ECM2: variants seen among roughly 807,000 people sequenced by gnomAD.
ECM2 encodes extracellular matrix protein 2.
A neutral mutation model predicts 67.5 loss-of-function variants in ECM2; 57 were observed. The ratio of observed to expected loss-of-function variants is 0.84; its 90% CI spans 0.68 to 1.05. The LOEUF (loss-of-function observed/expected upper bound fraction) is 1.05. ECM2 is among the 50% of genes least tolerant of loss of function. ECM2 has a pLI of 0.00. For synonymous variants in ECM2, 258 were observed against 294.5 expected (o/e 0.88, Z 1.27); for missense variants, 741 against 822.8 (o/e 0.90, Z 1.22).
the ECM2 span, among the ~76,000 whole-genome samples, chr9:92,550,529 C>T: frequency 6.6e-6 from 1 of 151,738 alleles, no homozygotes; most frequent in Admixed American, 6.6e-5. Context: ...ATTGATATAA[C>T]AAGTTTTCTT....
intron 5 of ECM2, 101 bp downstream of exon 5, chr9:92,511,910 C>T (rs1214626616): frequency 1.3e-6 from 1 of 794,168 alleles, no homozygotes; most frequent in Non-Finnish European, 2.0e-6. Flanking sequence ...AGAAGACTAC[C>T]AATTAGAAGC....
At chr9:92,508,028 T>C (rs1588199350) in intron 6 of ECM2, among the ~76,000 whole-genome samples, 1 of 152,144 alleles carries the variant, frequency 6.6e-6, no homozygotes, top group Non-Finnish European at 1.5e-5. Flanking sequence ...TCCCCCTCTC[T>C]GGAGCTATAA....
chr9:92,499,422 T>C lies in ECM2; in HGVS notation c.1931+1305A>G, dbSNP rs185247935. The stretch of plus-strand genomic sequence containing the variant: ...ATGAGAAGCATGGCAAAAATAGAAA[T>C]TCATCATTTTGTTACCTCTAATGAA... On this transcript the variant is annotated intron_variant, in intron 9 of 9. Coordinates refer to ENST00000344604, the MANE Select transcript of ECM2 (RefSeq NM_001393.4). Among the ~76,000 whole-genome samples the C allele has an allele frequency of 9.0e-4, 137 of 152,182 alleles. 1 individual carries two copies. The highest frequency in any genetic ancestry group is 3.1e-3 in the African/African-American group (127 of 41,532).
At chr9:92,534,456 T>C (rs1369781178) in intron 1 of ECM2, among the ~76,000 whole-genome samples, 1 of 152,214 alleles carries the variant, frequency 6.6e-6, no homozygotes, top group Non-Finnish European at 1.5e-5. Flanking sequence ...CATGCCAGCA[T>C]ACAAACCTTT....
intron 7 of ECM2, 54 bp downstream of exon 7, chr9:92,505,479 T>G (rs1223952429): frequency 7.1e-7 from 1 of 1,399,210 alleles, no homozygotes; most frequent in Non-Finnish European, 9.8e-7. Flanking sequence ...TTTGTTGTAG[T>G]GTACCATATT....
chr9:92,516,072 T>TCCCCCCCC (rs76297691), intron 3 of ECM2, among the ~76,000 whole-genome samples: 3 of 139,686 alleles, frequency 2.1e-5, no homozygotes, highest in African/African-American at 7.8e-5. Context: ...TACTTTTTTT[T>TCCCCCCCC]CCCCCCCCCG....
intron 6 of ECM2, among the ~76,000 whole-genome samples, chr9:92,506,969 G>A (rs867441062): frequency 2.6e-5 from 4 of 152,030 alleles, no homozygotes; most frequent in Non-Finnish European, 4.4e-5. Context: ...GTGCAATAGC[G>A]TGGTCTTGGC....
At chr9:92,547,406 GT>G in the ECM2 span, among the ~76,000 whole-genome samples, 1 of 152,214 alleles carries the variant, frequency 6.6e-6, no homozygotes, top group Non-Finnish European at 1.5e-5. Context: ...CAGCCTAAAT[GT>G]TTGTCAACTG....
rs779636498 is a variant in ECM2 at position 92,515,098 on chromosome 9, G to A, written c.587C>T (p.Pro196Leu). ...EPTNLLHKQL[P>L]PPQVGMDRIV... is the part of the protein sequence containing the mutation. Reference sequence around the variant, plus strand: ...TCGGTCCATTCCCACCTGAGGAGGTGGCAGTTGCTTATGAAGTAAATTGGT... The same window carrying A: ...TCGGTCCATTCCCACCTGAGGAGGTAGCAGTTGCTTATGAAGTAAATTGGT... The change falls in exon 4 of 10, where the codon CCA becomes CTA. Residue 196 changes from proline to leucine, a missense_variant. Coordinates refer to ENST00000344604, the MANE Select transcript of ECM2 (RefSeq NM_001393.4). The A allele has an allele frequency of 6.2e-7, 1 of 1,614,004 alleles. No individual in the cohort carries two copies. Among genetic ancestry groups the A allele is most frequent in the South Asian group, 1.1e-5 (1 of 90,994 alleles).
chr9:92,501,101 T>C (rs970729664), intron 8 of ECM2, 48 bp from the exon 9 acceptor site: 3 of 1,565,582 alleles, frequency 1.9e-6, no homozygotes, highest in African/African-American at 1.4e-5. Context: ...AGGATGGTGA[T>C]CATCAGCTCT....
intron 1 of ECM2, among the ~76,000 whole-genome samples, chr9:92,532,984 G>T (rs1485297571): frequency 6.6e-6 from 1 of 151,906 alleles, no homozygotes; most frequent in African/African-American, 2.4e-5. Context: ...TTGAAGCTGG[G>T]CTTCACCATA....
chr9:92,532,024 T>TA (rs1254875626), intron 1 of ECM2, among the ~76,000 whole-genome samples: 1 of 129,024 alleles, frequency 7.8e-6, no homozygotes, highest in East Asian at 2.0e-4. Context: ...TGTTTTTTTT[T>TA]TTTTATTTTA....
the ECM2 span, among the ~76,000 whole-genome samples, chr9:92,551,133 T>C: frequency 1.3e-5 from 2 of 152,212 alleles, no homozygotes; most frequent in Admixed American, 1.3e-4. Context: ...ACATCTTGCT[T>C]AGTGGCCAAG....
chr9:92,549,604 G>A, the ECM2 span, among the ~76,000 whole-genome samples: 6 of 148,226 alleles, frequency 4.0e-5, no homozygotes, highest in Non-Finnish European at 7.4e-5. Flanking sequence ...CCAAGATCGC[G>A]CCACTGCACT....
intron 1 of ECM2, among the ~76,000 whole-genome samples, chr9:92,533,319 AAAAAAAAAAATATATAT>A (rs1431834782): frequency 9.7e-6 from 1 of 103,512 alleles, no homozygotes; most frequent in African/African-American, 3.8e-5. Flanking sequence ...AAAAAAAAAA[AAAAAAAAAAATATATAT>A]ATATATATAT....
chr9:92,507,351 T>C (rs903558202), intron 6 of ECM2, among the ~76,000 whole-genome samples: 12 of 152,182 alleles, frequency 7.9e-5, no homozygotes, highest in African/African-American at 2.7e-4. Flanking sequence ...TGAAATGCAG[T>C]GGAAGTTTTT....
At chr9:92,526,401 C>CA (rs1848413438) in intron 1 of ECM2, among the ~76,000 whole-genome samples, 1 of 151,964 alleles carries the variant, frequency 6.6e-6, no homozygotes, top group African/African-American at 2.4e-5. Flanking sequence ...GAAAACACAG[C>CA]ACACCAAAAC....
intron 1 of ECM2, chr9:92,528,019 T>A (rs1848520657): frequency 6.5e-6 from 1 of 152,684 alleles, no homozygotes; most frequent in Non-Finnish European, 1.5e-5. Flanking sequence ...TTCAGACTTT[T>A]GGAGAGTCTG....
At chr9:92,546,141 T>C in the ECM2 span, among the ~76,000 whole-genome samples, 1 of 152,144 alleles carries the variant, frequency 6.6e-6, no homozygotes, top group African/African-American at 2.4e-5. Context: ...AGTGGGGACT[T>C]GGAGAACTTC....
Sources: gnomAD v4.1 joint callset for allele counts (sites outside exome capture counted in the v4.1 genomes callset) on GRCh38, gnomAD v4.1.1 for gene constraint, MANE v1.5 for transcripts, NCBI Gene and HGNC (gene_info 2026-07-23, HGNC 2026-07-21) for gene names.